Variants in AAK1 observed in about 807,000 individuals in gnomAD.
The protein encoded by AAK1 is AP2-associated protein kinase 1.
A neutral mutation model predicts 116.0 loss-of-function variants in AAK1; 37 were observed. That is an observed-to-expected ratio of 0.32 (90% CI 0.25 to 0.42). AAK1 has a LOEUF of 0.42. AAK1 is among the 10% of genes least tolerant of loss of function. AAK1 has a pLI of 1.00. For synonymous variants in AAK1, 458 were observed against 439.9 expected, an observed-to-expected ratio of 1.04 and a Z score of -0.51; for missense variants, 919 against 1,170.6, an observed-to-expected ratio of 0.79 and a Z score of 3.14.
chr2:69,466,153 G>A lies in AAK1; in HGVS notation c.*9716C>T. On this transcript the variant is annotated 3_prime_UTR_variant, in exon 22 of 22. Transcript: ENST00000409085. ...GGCTCACTGAGCCCATCAGTGGCTG[G>A]CTGTGTGAAGGCTTGAAACTGGTTC... The A allele has an allele frequency of 7.7e-7, 1 of 1,290,324 alleles. No individual in the cohort carries two copies. Among genetic ancestry groups the A allele is most frequent in the South Asian group, 1.2e-5 (1 of 81,032 alleles). 79.9% of individuals were successfully genotyped at this position (1,290,324 alleles called of 1,614,324 possible).
Position 69,540,785 on chromosome 2 carries a change from A to G in AAK1, c.534+1738T>C, listed in dbSNP as rs187944797. Among the ~76,000 whole-genome samples the G allele has an allele frequency of 5.4e-3, 824 of 152,366 alleles. 8 individuals carry two copies. The highest frequency in any genetic ancestry group is 0.019 in the African/African-American group (785 of 41,592). ...ATAAGAATTCAAAACATATGTCCAC[A>G]CAAAAACTGGTACATGAATGTTCAT... is the stretch of plus-strand genomic sequence containing the variant. On this transcript the variant is annotated intron_variant, in intron 5 of 21. Coordinates refer to ENST00000409085, the MANE Select transcript of AAK1 (RefSeq NM_014911.5).
In AAK1 at chr2:69,468,788, G is replaced by A. The variant is rs1674578292; in HGVS notation, c.*7081C>T. On this transcript the variant is annotated 3_prime_UTR_variant, in exon 22 of 22. Transcript: ENST00000409085. Reference sequence around the variant, plus strand: ...AGGAAGTACCAAGGGGTGTGTGTATGTGCCCATATTCAGGGTTGGAGAGGA... The same window carrying A: ...AGGAAGTACCAAGGGGTGTGTGTATATGCCCATATTCAGGGTTGGAGAGGA... The A allele has an allele frequency of 5.1e-6, 5 of 985,394 alleles. No individual in the cohort carries two copies. Among genetic ancestry groups the A allele is most frequent in the Non-Finnish European group, 6.0e-6 (5 of 829,926 alleles). The allele number at this position is 985,394 out of a possible 1,614,324, so 61.0% of individuals were successfully genotyped here.
rs1174966166 is a variant in AAK1 at position 69,469,390 on chromosome 2, G to A, written c.*6479C>T. 1.0e-6 allele frequency: 1 copy of A among 985,326 alleles called. No individual in the cohort carries two copies. Among genetic ancestry groups the A allele is most frequent in the Non-Finnish European group, 1.2e-6 (1 of 829,934 alleles). The allele number at this position is 985,326 out of a possible 1,614,324, so 61.0% of individuals were successfully genotyped here. The stretch of plus-strand genomic sequence containing the variant: ...CATTAAATCTTGTTGGCAGATAAAA[G>A]TCTTTTTTTGAGTATGTGAATGTGT... On this transcript the variant is annotated 3_prime_UTR_variant, in exon 22 of 22. Transcript: ENST00000409085.
intron 2 of AAK1, among the ~76,000 whole-genome samples, chr2:69,562,845 G>A (rs572099363): frequency 2.6e-5 from 4 of 152,226 alleles, no homozygotes; most frequent in South Asian, 4.1e-4. Flanking sequence ...AGCTGAGATC[G>A]CACCACTGCA....
chr2:69,512,892 G>A (rs1345430473), intron 13 of AAK1, among the ~76,000 whole-genome samples: 1 of 152,206 alleles, frequency 6.6e-6, no homozygotes, highest in Non-Finnish European at 1.5e-5. Flanking sequence ...ATGAGCATTT[G>A]TTATAATTAA....
intron 3 of AAK1, among the ~76,000 whole-genome samples, chr2:69,549,952 T>C (rs1671105629): frequency 6.6e-6 from 1 of 152,220 alleles, no homozygotes; most frequent in Admixed American, 6.5e-5. Context: ...TTCTATTTCT[T>C]TAAACGAGTT....
chr2:69,531,791 T>G (rs1670268544), intron 6 of AAK1: 3 of 1,219,366 alleles, frequency 2.5e-6, no homozygotes, highest in Middle Eastern at 3.4e-4. Flanking sequence ...AAAACATCTA[T>G]GTACAATGAC....
intron 2 of AAK1, among the ~76,000 whole-genome samples, chr2:69,627,161 C>T (rs1165950437): frequency 2.6e-5 from 4 of 151,872 alleles, no homozygotes; most frequent in Non-Finnish European, 5.9e-5. Context: ...TGGTGGCGGG[C>T]GCCTGTAGTC....
At chr2:69,546,115 T>C (rs1670913976) in intron 3 of AAK1, among the ~76,000 whole-genome samples, 1 of 151,216 alleles carries the variant, frequency 6.6e-6, no homozygotes, top group South Asian at 2.1e-4. Flanking sequence ...TTTTTCCCCC[T>C]GGCAAGCAGG....
At chr2:69,536,798 T>C (rs1670492668) in intron 5 of AAK1, among the ~76,000 whole-genome samples, 1 of 143,256 alleles carries the variant, frequency 7.0e-6, no homozygotes, top group Non-Finnish European at 1.6e-5. Context: ...GGCATTTCAG[T>C]CAGAGAATGT....
chr2:69,622,859 G>A (rs1674716809), intron 2 of AAK1, among the ~76,000 whole-genome samples: 1 of 152,152 alleles, frequency 6.6e-6, no homozygotes, highest in African/African-American at 2.4e-5. Context: ...TTTGTGTCTA[G>A]CTCAGGGATT....
intron 3 of AAK1, among the ~76,000 whole-genome samples, chr2:69,555,186 G>A (rs1017298584): frequency 2.0e-5 from 3 of 152,218 alleles, no homozygotes; most frequent in East Asian, 1.9e-4. Context: ...AACCCACTGC[G>A]TGTGTGAAGG....
intron 5 of AAK1, among the ~76,000 whole-genome samples, chr2:69,533,102 C>T (rs1670323801): frequency 6.6e-6 from 1 of 152,082 alleles, no homozygotes; most frequent in Admixed American, 6.5e-5. Flanking sequence ...ACTGTAGTCT[C>T]CATTGTCTTT....
chr2:69,566,987 A>C (rs942693990), intron 2 of AAK1, among the ~76,000 whole-genome samples: 13 of 152,280 alleles, frequency 8.5e-5, no homozygotes, highest in African/African-American at 2.9e-4. Context: ...GAAACTTCGC[A>C]ATGGCTTCTC....
At chr2:69,522,250 T>C (rs752479400) in intron 10 of AAK1, among the ~76,000 whole-genome samples, 2 of 152,202 alleles carry the variant, frequency 1.3e-5, no homozygotes, top group Non-Finnish European at 2.9e-5. Flanking sequence ...AAAGCATGTT[T>C]TGTCAAAATA....
chr2:69,628,370 A>G (rs777846554), intron 2 of AAK1, among the ~76,000 whole-genome samples: 18 of 152,032 alleles, frequency 1.2e-4, no homozygotes, highest in Non-Finnish European at 2.6e-4. Flanking sequence ...CCTCCCAAAT[A>G]GTGTCAACAA....
Position 69,482,731 on chromosome 2 carries a change from C to T in AAK1, c.2447G>A (p.Ser816Asn), listed in dbSNP as rs28609278. 1 of 1,611,664 alleles carries T rather than the reference C, an allele frequency of 6.2e-7. No individual in the cohort carries two copies. ...DLLPMTDPFG[S>N]TSDAVIEKAD... The stretch of plus-strand genomic sequence containing the variant: ...TTTACCAATTACAGCATCAGAAGTG[C>T]TACCAAAAGGATCTGTCATAGGCAA... Residue 816 changes from serine to asparagine, a missense_variant, in exon 18 of 22, where the codon AGC (serine) becomes AAC (asparagine). By Grantham distance (46) the Ser-to-Asn change is conservative (BLOSUM62 1). Around this residue, in one of 4 missense-constraint regions of AAK1, gnomAD observed 263 missense variants for 285.5 expected, o/e 0.92. Transcript: ENST00000409085.
chr2:69,533,577 C>T (rs1670344344), intron 5 of AAK1, among the ~76,000 whole-genome samples: 1 of 152,174 alleles, frequency 6.6e-6, no homozygotes, highest in Admixed American at 6.5e-5. Context: ...GTTTCTTACT[C>T]CTACTAAACC....
intron 2 of AAK1, among the ~76,000 whole-genome samples, chr2:69,580,964 G>A (rs1012075523): frequency 4.6e-5 from 7 of 151,660 alleles, no homozygotes; most frequent in African/African-American, 1.7e-4. Flanking sequence ...TTTAAACTAT[G>A]CAAGTTTACA....
Sources: gnomAD v4.1 joint callset for allele counts (sites outside exome capture counted in the v4.1 genomes callset) on GRCh38, gnomAD v4.1.1 for gene constraint, gnomAD v4.1.1 regional missense constraint, MANE v1.5 for transcripts, NCBI Gene and HGNC (gene_info 2026-07-23, HGNC 2026-07-21) for gene names.